Variants in RGS7 observed in about 807,000 individuals in gnomAD.
RGS7 encodes regulator of G protein signaling 7, also known as regulator of G-protein signaling 7.
A neutral mutation model predicts 81.1 loss-of-function variants in RGS7; 27 were observed. That is an observed-to-expected ratio of 0.33 (90% CI 0.25 to 0.46). RGS7 has a LOEUF of 0.46. Among genes scored for constraint, RGS7 ranks in the 20% least tolerant of loss-of-function variants. The pLI is 1.00. For synonymous variants in RGS7, 208 were observed against 207.7 expected, an observed-to-expected ratio of 1.00 and a Z score of -0.01; for missense variants, 396 against 607.4, an observed-to-expected ratio of 0.65 and a Z score of 3.66.
At chr1:241,175,941 A>G (rs1479603690) in intron 2 of RGS7, among the ~76,000 whole-genome samples, 1 of 152,152 alleles carries the variant, frequency 6.6e-6, no homozygotes, top group Non-Finnish European at 1.5e-5. Context: ...TTCTTTTTGC[A>G]AGTAATTTAC....
intron 9 of RGS7, among the ~76,000 whole-genome samples, chr1:240,839,723 T>A (rs528370955): frequency 6.6e-5 from 10 of 152,326 alleles, no homozygotes; most frequent in Middle Eastern, 3.4e-3. Flanking sequence ...CTCTCTTGTC[T>A]ACACCCAGAT....
At chr1:241,221,033 GGAAGGA>G (rs1391051790) in intron 2 of RGS7, among the ~76,000 whole-genome samples, 1 of 96,038 alleles carries the variant, frequency 1.0e-5, no homozygotes, top group African/African-American at 3.7e-5. Flanking sequence ...AAGGAAGGAA[GGAAGGA>G]AAAGAAAGAA....
chr1:241,018,765 T>A (rs1057062558), intron 3 of RGS7, among the ~76,000 whole-genome samples: 1 of 152,064 alleles, frequency 6.6e-6, no homozygotes, highest in Admixed American at 6.6e-5. Context: ...GGTAGAGGTT[T>A]TTCCTCTACT....
chr1:240,886,156 T>C (rs949871334), intron 6 of RGS7, among the ~76,000 whole-genome samples: 2 of 152,238 alleles, frequency 1.3e-5, no homozygotes, highest in African/African-American at 2.4e-5. Flanking sequence ...TAAATGTTCA[T>C]GTAATACTTT....
chr1:241,239,814 T>C (rs1470084812), intron 2 of RGS7, among the ~76,000 whole-genome samples: 2 of 152,196 alleles, frequency 1.3e-5, no homozygotes, highest in South Asian at 2.1e-4. Flanking sequence ...ATAAGGACTA[T>C]AGAAGATCTT....
At chr1:241,297,304 A>G (rs2079485700) in intron 2 of RGS7, among the ~76,000 whole-genome samples, 2 of 152,250 alleles carry the variant, frequency 1.3e-5, no homozygotes, top group African/African-American at 4.8e-5. Context: ...TAGCAGCACC[A>G]TTACAGAATC....
At chr1:240,779,710 T>C (rs1683652468) in intron 18 of RGS7, among the ~76,000 whole-genome samples, 1 of 152,244 alleles carries the variant, frequency 6.6e-6, no homozygotes, top group African/African-American at 2.4e-5. Context: ...TCCACTTCTA[T>C]GCCTATTTCC....
At chr1:241,226,728 T>A (rs1380406346) in intron 2 of RGS7, among the ~76,000 whole-genome samples, 5 of 152,210 alleles carry the variant, frequency 3.3e-5, no homozygotes. Context: ...TGAACATTGA[T>A]GCATAAGCAG....
At chr1:240,879,077 C>T (rs1298103361) in intron 6 of RGS7, among the ~76,000 whole-genome samples, 1 of 152,134 alleles carries the variant, frequency 6.6e-6, no homozygotes, top group Non-Finnish European at 1.5e-5. Context: ...CAGTAATGTA[C>T]AAATATTCCT....
intron 6 of RGS7, among the ~76,000 whole-genome samples, chr1:240,904,306 GC>G (rs1670481531): frequency 6.6e-6 from 1 of 152,142 alleles, no homozygotes; most frequent in Admixed American, 6.5e-5. Flanking sequence ...GTGTTACAAA[GC>G]TTTGACATTT....
chr1:240,882,945 T>C (rs941027222), intron 6 of RGS7, among the ~76,000 whole-genome samples: 4 of 152,184 alleles, frequency 2.6e-5, no homozygotes, highest in South Asian at 2.1e-4. Context: ...CCTGTGTCCA[T>C]GTGCTCTCAT....
chr1:241,040,231 T>G (rs2060541292), intron 3 of RGS7, among the ~76,000 whole-genome samples: 1 of 152,148 alleles, frequency 6.6e-6, no homozygotes, highest in Non-Finnish European at 1.5e-5. Flanking sequence ...TCAACTAAAC[T>G]TTGATGAGAT....
intron 2 of RGS7, among the ~76,000 whole-genome samples, chr1:241,291,220 G>A (rs2079070814): frequency 6.6e-6 from 1 of 152,204 alleles, no homozygotes; most frequent in African/African-American, 2.4e-5. Flanking sequence ...CAAGTTCCCT[G>A]AGGACATCAG....
At chr1:241,085,077 C>G (rs1420982075) in intron 3 of RGS7, among the ~76,000 whole-genome samples, 3 of 152,184 alleles carry the variant, frequency 2.0e-5, no homozygotes, top group Non-Finnish European at 2.9e-5. Context: ...TAATGAAAAC[C>G]TACATCATTA....
At chr1:241,190,202 GT>G (rs955310239) in intron 2 of RGS7, among the ~76,000 whole-genome samples, 7 of 152,068 alleles carry the variant, frequency 4.6e-5, no homozygotes, top group Non-Finnish European at 8.8e-5. Context: ...TTATGTGTCT[GT>G]TCCACTGATA....
At chr1:241,088,648 G>A (rs978985725) in intron 3 of RGS7, among the ~76,000 whole-genome samples, 31 of 151,920 alleles carry the variant, frequency 2.0e-4, no homozygotes, top group African/African-American at 6.5e-4. Context: ...AACTTCCACC[G>A]TAATACTAAT....
At chr1:241,096,934 A>C (rs1314672790) in intron 3 of RGS7, among the ~76,000 whole-genome samples, 1 of 152,154 alleles carries the variant, frequency 6.6e-6, no homozygotes, top group East Asian at 1.9e-4. Context: ...CTGAATTCTA[A>C]AGGAGATAAG....
At chr1:241,276,886 G>A (rs1249225101) in intron 2 of RGS7, among the ~76,000 whole-genome samples, 1 of 152,004 alleles carries the variant, frequency 6.6e-6, no homozygotes, top group Non-Finnish European at 1.5e-5. Context: ...AATTTTAATA[G>A]TACAGGCGAC....
chr1:241,184,637 A>T (rs1410761097), intron 2 of RGS7, among the ~76,000 whole-genome samples: 1 of 152,196 alleles, frequency 6.6e-6, no homozygotes, highest in Non-Finnish European at 1.5e-5. Flanking sequence ...TATTTAAAAT[A>T]TTGTATAAAA....
Sources: gnomAD v4.1 joint callset for allele counts (sites outside exome capture counted in the v4.1 genomes callset) on GRCh38, gnomAD v4.1.1 for gene constraint, MANE v1.5 for transcripts, NCBI Gene and HGNC (gene_info 2026-07-23, HGNC 2026-07-21) for gene names.